INSYN2B: variants seen among roughly 807,000 people sequenced by gnomAD.
INSYN2B encodes inhibitory synaptic factor family member 2B, also known as protein INSYN2B.
Under a neutral mutation model 41.2 loss-of-function variants are expected in INSYN2B, and 16 were observed. The observed-to-expected ratio is 0.39, with a 90% CI of 0.26 to 0.59. The LOEUF (loss-of-function observed/expected upper bound fraction) is 0.59, where lower values mean the gene tolerates loss of function less well. Ranked by LOEUF, INSYN2B falls within the 20% of genes least tolerant of loss-of-function variation. The pLI, the probability that INSYN2B is intolerant of heterozygous loss-of-function variation, is 0.57. For missense variants in INSYN2B, 608 were observed against 646.4 expected (o/e 0.94, Z 0.64); for synonymous variants, 245 against 244.4 (o/e 1.00, Z -0.02).
chr5:169,964,222 G>A (rs1366299867), intron 1 of INSYN2B, among the ~76,000 whole-genome samples: 4 of 152,100 alleles, frequency 2.6e-5, no homozygotes, highest in South Asian at 2.1e-4. Flanking sequence ...CTTTATCCTC[G>A]GTGACCACAG....
intron 3 of INSYN2B, among the ~76,000 whole-genome samples, chr5:169,866,592 A>T (rs983164363): frequency 6.6e-6 from 1 of 152,218 alleles, no homozygotes; most frequent in Non-Finnish European, 1.5e-5. Flanking sequence ...TGGTAGGCAG[A>T]CAATCTCCCT....
At chr5:169,921,070 TAAAGAG>T (rs1256200374) in intron 1 of INSYN2B, among the ~76,000 whole-genome samples, 2 of 152,230 alleles carry the variant, frequency 1.3e-5, no homozygotes, top group Admixed American at 6.5e-5. Flanking sequence ...GAAATTCTTT[TAAAGAG>T]TCTCAATCCC....
chr5:169,903,245 G>A (rs1339044827), intron 1 of INSYN2B, among the ~76,000 whole-genome samples: 2 of 148,358 alleles, frequency 1.3e-5, no homozygotes, highest in African/African-American at 5.0e-5. Context: ...CCTATTAATA[G>A]CCAGTGCACT....
chr5:169,972,542 C>CAGACAGAT (rs1777543927), intron 1 of INSYN2B, among the ~76,000 whole-genome samples: 1 of 141,330 alleles, frequency 7.1e-6, no homozygotes, highest in Admixed American at 7.2e-5. Context: ...CACTGTGAGA[C>CAGACAGAT]AGATAGATAG....
At chr5:169,933,744 C>A (rs1775866004) in intron 1 of INSYN2B, among the ~76,000 whole-genome samples, 1 of 152,180 alleles carries the variant, frequency 6.6e-6, no homozygotes, top group Admixed American at 6.5e-5. Context: ...ACTTCTCAGA[C>A]TTCCAGGCAG....
intron 1 of INSYN2B, among the ~76,000 whole-genome samples, chr5:169,899,595 G>A (rs1249834066): frequency 6.6e-6 from 1 of 152,196 alleles, no homozygotes; most frequent in African/African-American, 2.4e-5. Flanking sequence ...CAGGTTTGGA[G>A]CAGGACTAGG....
At chr5:169,945,094 G>T (rs1776391916) in intron 1 of INSYN2B, among the ~76,000 whole-genome samples, 1 of 152,214 alleles carries the variant, frequency 6.6e-6, no homozygotes, top group Non-Finnish European at 1.5e-5. Context: ...TCTCAGATTA[G>T]GGAACCGACT....
chr5:169,921,897 T>C (rs1033352004), intron 1 of INSYN2B, among the ~76,000 whole-genome samples: 2 of 152,230 alleles, frequency 1.3e-5, no homozygotes, highest in East Asian at 1.9e-4. Flanking sequence ...AATAATACTG[T>C]GATAGCCCCT....
In INSYN2B at chr5:169,929,076, C is replaced by T. The variant is rs368568410; in HGVS notation, c.-918-44260G>A. ...AGGTCAACCTGGGCCCACAGCTGGCCAGGTAGACTGAAGTTCTGTCATGCC... is the reference window on the plus strand; with the variant it reads ...AGGTCAACCTGGGCCCACAGCTGGCTAGGTAGACTGAAGTTCTGTCATGCC... On this transcript the variant is annotated intron_variant, in intron 1 of 3. Transcript: ENST00000377365. Among the ~76,000 whole-genome samples the T allele has an allele frequency of 3.0e-4, 46 of 152,304 alleles. 1 individual carries two copies. Among genetic ancestry groups the T allele is most frequent in the South Asian group, 2.1e-3 (10 of 4,826 alleles).
intron 3 of INSYN2B, among the ~76,000 whole-genome samples, chr5:169,879,175 G>C (rs1265233690): frequency 6.6e-6 from 1 of 152,194 alleles, no homozygotes; most frequent in African/African-American, 2.4e-5. Flanking sequence ...AGAAGACCCA[G>C]TGGGCAATCC....
chr5:169,956,419 G>T (rs911951294), intron 1 of INSYN2B, among the ~76,000 whole-genome samples: 3 of 152,106 alleles, frequency 2.0e-5, no homozygotes, highest in African/African-American at 7.2e-5. Flanking sequence ...TCCCTCTCTC[G>T]TGGGTTGTAT....
At chr5:169,952,425 A>G (rs566893788) in intron 1 of INSYN2B, among the ~76,000 whole-genome samples, 3 of 152,194 alleles carry the variant, frequency 2.0e-5, no homozygotes, top group African/African-American at 7.2e-5. Context: ...CTTTAAGTAA[A>G]GGACAAACAG....
intron 1 of INSYN2B, among the ~76,000 whole-genome samples, chr5:169,940,431 C>A (rs543799642): frequency 7.2e-5 from 11 of 152,260 alleles, no homozygotes; most frequent in African/African-American, 2.6e-4. Flanking sequence ...TTTCCACAGA[C>A]CGGGAGGAGG....
intron 1 of INSYN2B, among the ~76,000 whole-genome samples, chr5:169,971,446 T>C (rs1483714027): frequency 2.4e-5 from 3 of 125,816 alleles, no homozygotes; most frequent in African/African-American, 1.0e-4. Context: ...TTTTTTTTTT[T>C]CATGAAAGAC....
At chr5:169,966,889 G>A (rs974287259) in intron 1 of INSYN2B, among the ~76,000 whole-genome samples, 2 of 152,168 alleles carry the variant, frequency 1.3e-5, no homozygotes, top group Non-Finnish European at 2.9e-5. Context: ...CCTATTCAAC[G>A]AAAGAGAGCC....
At chr5:169,936,170 G>C (rs1775983514) in intron 1 of INSYN2B, among the ~76,000 whole-genome samples, 1 of 152,164 alleles carries the variant, frequency 6.6e-6, no homozygotes, top group South Asian at 2.1e-4. Context: ...AACAATATTT[G>C]CATTTTGACT....
chr5:169,952,509 A>G (rs1776702615), intron 1 of INSYN2B, among the ~76,000 whole-genome samples: 1 of 152,036 alleles, frequency 6.6e-6, no homozygotes, highest in African/African-American at 2.4e-5. Flanking sequence ...CTCCCCACAC[A>G]TGGGATCTGA....
At position 169,882,534 on chromosome 5, in the gene INSYN2B, G is replaced by GA. The variant is rs762985568; in HGVS notation, c.1346+18dup. On this transcript the variant is annotated intron_variant, in intron 2 of 3. Coordinates refer to ENST00000377365, the MANE Select transcript of INSYN2B (RefSeq NM_001129891.3). The stretch of plus-strand genomic sequence containing the variant: ...GACTTCACCCAGTCATTTTTAATAT[G>GA]AAAAAAAAATCTCCTTACCCTTCAG... 380 of 1,506,814 alleles carry GA rather than the reference G, an allele frequency of 2.5e-4. 1 individual carries two copies. Among genetic ancestry groups the GA allele is most frequent in the Middle Eastern group, 1.0e-3 (6 of 5,784 alleles). The allele number at this position is 1,506,814 out of a possible 1,614,324, so 93.3% of individuals were successfully genotyped here. A position where few individuals can be genotyped will look rare whatever the true frequency, so the allele number is the denominator to read the frequency against.
At chr5:169,930,566 T>C (rs1355109206) in intron 1 of INSYN2B, among the ~76,000 whole-genome samples, 1 of 152,186 alleles carries the variant, frequency 6.6e-6, no homozygotes, top group African/African-American at 2.4e-5. Context: ...CTATAGATAA[T>C]AAGAAAGTCC....
Sources: allele counts gnomAD v4.1 joint callset (sites outside exome capture counted in the v4.1 genomes callset), GRCh38; gene constraint gnomAD v4.1.1; transcripts MANE v1.5; gene names NCBI Gene and HGNC (gene_info 2026-07-23, HGNC 2026-07-21).